CCDC43: variants seen among roughly 807,000 people sequenced by gnomAD.
CCDC43 encodes the protein coiled-coil domain-containing protein 43.
In CCDC43, 20 loss-of-function variants were observed where a neutral mutation model predicts 33.3. The observed-to-expected ratio is 0.60, with a 90% confidence interval of 0.42 to 0.87. The LOEUF is 0.87. Ranked by LOEUF, CCDC43 falls within the 40% of genes least tolerant of loss-of-function variation. The probability of loss-of-function intolerance (pLI) is 0.00; values close to 1 mark genes in which losing one functional copy is unlikely to be tolerated. For missense variants in CCDC43, 248 were observed against 269.9 expected, an observed-to-expected ratio of 0.92 and a Z score of 0.57; for synonymous variants, 104 against 106.5, an observed-to-expected ratio of 0.98 and a Z score of 0.14.
chr17:44,677,504 T>A lies in CCDC43; in HGVS notation c.*1352A>T, dbSNP rs895749361. On this transcript the variant is annotated 3_prime_UTR_variant, in exon 5 of 5. Transcript: ENST00000315286. The stretch of plus-strand genomic sequence containing the variant: ...TTTATTTTTTGCAATGCCACAGTTA[T>A]AGGAGTGTATGAAGAGGTAACATGT... 6.6e-6 allele frequency: 1 copy of A among 152,046 alleles called. No homozygotes were observed. The highest frequency in any genetic ancestry group is 6.5e-5 in the Admixed American group (1 of 15,284). 9.4% of individuals were successfully genotyped at this position (152,046 alleles called of 1,614,324 possible). A position where few individuals can be genotyped will look rare whatever the true frequency, so the allele number is the denominator to read the frequency against.
At chr17:44,684,674 G>A (rs1037614854) in intron 1 of CCDC43, among the ~76,000 whole-genome samples, 2 of 151,622 alleles carry the variant, frequency 1.3e-5, no homozygotes, top group African/African-American at 4.8e-5. Context: ...TCCAGCCTGG[G>A]AGAGGGGAGA....
Position 44,677,506 on chromosome 17 carries a change from G to A in CCDC43, c.*1350C>T, listed in dbSNP as rs1345913567. ...TATTTTTTGCAATGCCACAGTTATA[G>A]GAGTGTATGAAGAGGTAACATGTCT... On this transcript the variant is annotated 3_prime_UTR_variant, in exon 5 of 5. Coordinates refer to ENST00000315286, the MANE Select transcript of CCDC43 (RefSeq NM_144609.3). The A allele has an allele frequency of 6.6e-6, 1 of 151,342 alleles. No individual in the cohort carries two copies. Among genetic ancestry groups the A allele is most frequent in the Non-Finnish European group, 1.5e-5 (1 of 67,896 alleles). 9.4% of individuals were successfully genotyped at this position (151,342 alleles called of 1,614,324 possible). A position where few individuals can be genotyped will look rare whatever the true frequency, so the allele number is the denominator to read the frequency against.
Position 44,678,050 on chromosome 17 carries a change from C to T in CCDC43, c.*806G>A, listed in dbSNP as rs1972101940. Reference sequence around the variant, plus strand: ...TTAGCAGAAATTTCCAGTGTTTCTTCCTTAAAAGGGTGATTTCTCCAGTTT... The same window carrying T: ...TTAGCAGAAATTTCCAGTGTTTCTTTCTTAAAAGGGTGATTTCTCCAGTTT... On this transcript the variant is annotated 3_prime_UTR_variant, in exon 5 of 5. Coordinates refer to ENST00000315286, the MANE Select transcript of CCDC43 (RefSeq NM_144609.3). 2 of 152,632 alleles carry T rather than the reference C, an allele frequency of 1.3e-5. No homozygotes were observed. The highest frequency in any genetic ancestry group is 6.5e-5 in the Admixed American group (1 of 15,278). The allele number at this position is 152,632 out of a possible 1,614,324, so 9.5% of individuals were successfully genotyped here. A position where few individuals can be genotyped will look rare whatever the true frequency, so the allele number is the denominator to read the frequency against.
intron 1 of CCDC43, among the ~76,000 whole-genome samples, chr17:44,687,097 T>A (rs1972247510): frequency 6.6e-6 from 1 of 152,110 alleles, no homozygotes; most frequent in African/African-American, 2.4e-5. Context: ...AAGACCACCC[T>A]GAGCAACATG....
intron 1 of CCDC43, among the ~76,000 whole-genome samples, chr17:44,685,521 T>G (rs1199967289): frequency 6.6e-6 from 1 of 152,340 alleles, no homozygotes; most frequent in East Asian, 1.9e-4. Context: ...TGAGGAAGTT[T>G]CTTAACTTTC....
At chr17:44,683,990 T>C (rs369517118) in intron 1 of CCDC43, 31 bp from the exon 2 acceptor site, 42 of 1,431,526 alleles carry the variant, frequency 2.9e-5, no homozygotes, top group Non-Finnish European at 3.9e-5. Flanking sequence ...ATTAATTTCC[T>C]GAGGGAGCCC....
chr17:44,679,129 C>T, intron 4 of CCDC43, 86 bp from the exon 5 acceptor site: 1 of 995,166 alleles, frequency 1.0e-6, no homozygotes. Flanking sequence ...CCTCTCTCCA[C>T]CTGCTGAGTC....
At chr17:44,681,758 A>G (rs1160154971) in intron 3 of CCDC43, 1 of 503,100 alleles carries the variant, frequency 2.0e-6, no homozygotes, top group African/African-American at 1.9e-5. Context: ...TGGACTATTA[A>G]GACATTATTT....
chr17:44,686,571 C>T lies in CCDC43; in HGVS notation c.205-2612G>A, dbSNP rs116202627. On this transcript the variant is annotated intron_variant, in intron 1 of 4. Coordinates refer to ENST00000315286, the MANE Select transcript of CCDC43 (RefSeq NM_144609.3). ...AAGTGGTTTATTTCCTCAGTCTCCT[C>T]ATCCAAATCAATGTAGTTCAATCAT... Among the ~76,000 whole-genome samples, 637 of 152,320 alleles carry T rather than the reference C, an allele frequency of 4.2e-3. 3 individuals carry two copies. Among genetic ancestry groups the T allele is most frequent in the African/African-American group, 0.015 (607 of 41,584 alleles).
intron 2 of CCDC43, 55 bp from the exon 3 acceptor site, chr17:44,682,193 AAC>A: frequency 6.2e-7 from 1 of 1,606,520 alleles, no homozygotes; most frequent in Non-Finnish European, 8.5e-7. Context: ...AAGCTCACTG[AAC>A]CACTAGTCCA....
intron 1 of CCDC43, 47 bp downstream of exon 1, chr17:44,689,503 C>G: frequency 6.2e-7 from 1 of 1,612,056 alleles, no homozygotes; most frequent in Non-Finnish European, 8.5e-7. Flanking sequence ...ACTGACAGGT[C>G]CTCAGATGCT....
At chr17:44,687,125 CA>C (rs955551040) in intron 1 of CCDC43, among the ~76,000 whole-genome samples, 2 of 151,090 alleles carry the variant, frequency 1.3e-5, no homozygotes, top group African/African-American at 2.4e-5. Flanking sequence ...CCTGTCTCTA[CA>C]AAAAAAAATT....
In CCDC43 at chr17:44,678,832, G is replaced by A. The variant is rs2144685005; in HGVS notation, c.*24C>T. 6.2e-7 allele frequency: 1 copy of A among 1,601,538 alleles called. No homozygotes were observed. The highest frequency in any genetic ancestry group is 2.2e-5 in the East Asian group (1 of 44,716). On this transcript the variant is annotated 3_prime_UTR_variant, in exon 5 of 5. Transcript: ENST00000315286. Reference sequence around the variant, plus strand: ...GTTCTCCCTTTGATAAGTTCATGGGGGGAAAGAATAGAGTAGGCCAAGGTT... The same window carrying A: ...GTTCTCCCTTTGATAAGTTCATGGGAGGAAAGAATAGAGTAGGCCAAGGTT...
At chr17:44,688,764 A>C (rs1463854317) in intron 1 of CCDC43, among the ~76,000 whole-genome samples, 4 of 152,244 alleles carry the variant, frequency 2.6e-5, no homozygotes, top group African/African-American at 7.2e-5. Context: ...TGTAATAACC[A>C]GTCTAATAAG....
rs762640158 is a variant in CCDC43 at position 44,689,676 on chromosome 17, C to A, written c.78G>T (p.Leu26=). Residue 26 remains leucine (L), a synonymous_variant, in exon 1 of 5, where the codon CTG becomes CTT. Transcript: ENST00000315286. ...DGGGGGFGSW[L]DGRLEALGVD... ...CTCCCAGTGCCTCCAACCGTCCGTC[C>A]AGCCAGGAGCCAAAGCCGCCGCCTC... The A allele has an allele frequency of 1.9e-6, 3 of 1,611,698 alleles. No homozygotes were observed. Among genetic ancestry groups the A allele is most frequent in the Non-Finnish European group, 2.5e-6 (3 of 1,179,136 alleles).
At position 44,689,651 on chromosome 17, in the gene CCDC43, C is replaced by T. The variant is rs200562682; in HGVS notation, c.103G>A (p.Val35Met). ...TAGGCTCCATAAACGGCTCGGTCCA[C>T]TCCCAGTGCCTCCAACCGTCCGTCC... The part of the protein sequence containing the change: ...WLDGRLEALG[V>M]DRAVYGAYIL... The change falls in exon 1 of 5, where the codon GTG (valine) becomes ATG (methionine). Residue 35 changes from valine to methionine, a missense_variant. Val to Met is a conservative substitution (Grantham distance 21). Coordinates refer to ENST00000315286, the MANE Select transcript of CCDC43 (RefSeq NM_144609.3). The T allele has an allele frequency of 2.0e-4, 326 of 1,613,798 alleles. No homozygotes were observed. In the African/African-American group the frequency reaches 3.0e-3, roughly 15 times the overall value.
chr17:44,689,466 C>G (rs150534376), intron 1 of CCDC43, 84 bp downstream of exon 1: 14 of 1,568,304 alleles, frequency 8.9e-6, no homozygotes, highest in African/African-American at 1.4e-5. Flanking sequence ...CTCTGGGATA[C>G]CCGGTAGGGG....
Sources: gnomAD v4.1 joint callset for allele counts (sites outside exome capture counted in the v4.1 genomes callset) on GRCh38, gnomAD v4.1.1 for gene constraint, MANE v1.5 for transcripts, NCBI Gene and HGNC (gene_info 2026-07-23, HGNC 2026-07-21) for gene names.